Variants in ZNF665 observed in about 807,000 individuals in gnomAD.
ZNF665 encodes zinc finger protein 665.
Under a neutral mutation model 7.9 loss-of-function variants are expected in ZNF665, and 6 were observed. The observed-to-expected ratio is 0.76, with a 90% CI of 0.42 to 1.50. The LOEUF is 1.50. Ranked by LOEUF, ZNF665 falls within the 40% of genes most tolerant of loss-of-function variation. The probability of loss-of-function intolerance (pLI) is 0.01; values close to 1 mark genes in which losing one functional copy is unlikely to be tolerated. For synonymous variants in ZNF665, 242 were observed against 274.5 expected (o/e 0.88, Z 1.17); for missense variants, 819 against 806.7 (o/e 1.02, Z -0.18).
intron 2 of ZNF665, among the ~76,000 whole-genome samples, chr19:53,177,424 G>A (rs552838869): frequency 3.3e-5 from 5 of 151,956 alleles, no homozygotes; most frequent in South Asian, 2.1e-4. Context: ...ACAGTGAAAC[G>A]CTGTCTCTAC....
rs1225639679 is a variant in ZNF665, at chr19:53,165,947, A to C, written c.543T>G (p.Asp181Glu). ...TTTGACTGAAGACCTTGCCACATTC[A>C]TCACATTTATAATGTTTTCCTCGAT... ...PNNRGKHYKC[D>E]ECGKVFSQNS... The change falls in exon 4 of 4, where the codon GAT becomes GAG. Residue 181 changes from aspartate (D) to glutamate (E), a missense_variant. Transcript: ENST00000396424. 2 of 1,613,964 alleles carry C rather than the reference A, an allele frequency of 1.2e-6. No homozygotes were observed. Among genetic ancestry groups the C allele is most frequent in the Non-Finnish European group, 1.7e-6 (2 of 1,180,002 alleles).
chr19:53,179,336 A>G (rs1261163526), intron 2 of ZNF665, among the ~76,000 whole-genome samples: 2 of 134,032 alleles, frequency 1.5e-5, no homozygotes, highest in Non-Finnish European at 3.1e-5. Flanking sequence ...AGATCGCACC[A>G]CTGCACTCCA....
intron 3 of ZNF665, among the ~76,000 whole-genome samples, chr19:53,167,726 G>A (rs1348978018): frequency 6.7e-6 from 1 of 149,872 alleles, no homozygotes; most frequent in African/African-American, 2.4e-5. Context: ...GATTACAGGC[G>A]TAAGCCAGGG....
chr19:53,182,778 A>T (rs576424073), intron 2 of ZNF665, 106 bp downstream of exon 2: 66 of 1,569,300 alleles, frequency 4.2e-5, no homozygotes, highest in Non-Finnish European at 5.4e-5. Context: ...AGTGCGAGCA[A>T]ACCTGTCAGG....
chr19:53,183,004 T>C (rs1443271516), intron 1 of ZNF665, 61 bp from the exon 2 acceptor site: 5 of 1,531,966 alleles, frequency 3.3e-6, no homozygotes, highest in Non-Finnish European at 3.6e-6. Flanking sequence ...ACGCTGTTTG[T>C]TGGTTAGAAT....
intron 1 of ZNF665, among the ~76,000 whole-genome samples, chr19:53,183,993 T>C (rs555092615): frequency 6.6e-6 from 1 of 152,300 alleles, no homozygotes; most frequent in East Asian, 1.9e-4. Context: ...CTCTTGCCTG[T>C]AATCTCAGCA....
chr19:53,171,596 T>C, intron 3 of ZNF665, among the ~76,000 whole-genome samples: 1 of 147,182 alleles, frequency 6.8e-6, no homozygotes, highest in Admixed American at 6.9e-5. Context: ...GTGGCGTGAT[T>C]TTGGCTCACT....
chr19:53,167,246 C>G lies in ZNF665; in HGVS notation c.143-899G>C, dbSNP rs1322600193. ...GAACTCCCGACCTCAGGTGATCCCC[C>G]CGCCTCAGCCTCCCAAAGTGCTGGT... On this transcript the variant is annotated intron_variant, in intron 3 of 3. Transcript: ENST00000396424. Among the ~76,000 whole-genome samples the G allele has an allele frequency of 2.0e-5, 3 of 152,192 alleles. No homozygotes were observed. The East Asian group carries it at 5.8e-4, about 29-fold the overall frequency.
chr19:53,181,549 C>A (rs999741159), intron 2 of ZNF665: 1 of 152,084 alleles, frequency 6.6e-6, no homozygotes, highest in African/African-American at 2.4e-5. Flanking sequence ...TAACAGATGA[C>A]ATACTCACAA....
intron 3 of ZNF665, 118 bp downstream of exon 3, chr19:53,175,327 T>C: frequency 3.1e-6 from 4 of 1,274,862 alleles, no homozygotes; most frequent in Non-Finnish European, 4.3e-6. Flanking sequence ...TTTTCATTTA[T>C]GAGTCAACAG....
Position 53,166,000 on chromosome 19 carries a change from A to G in ZNF665, c.490T>C (p.Tyr164His), listed in dbSNP as rs1407899376. 1 of 1,613,880 alleles carries G rather than the reference A, an allele frequency of 6.2e-7. No individual in the cohort carries two copies. The highest frequency in any genetic ancestry group is 8.5e-7 in the Non-Finnish European group (1 of 1,179,812). ...TTAGGAGACTTCTCAACTTGATTGT[A>G]TTCATAAATTTTCCCTTCATGTTGA... is the stretch of plus-strand genomic sequence containing the variant. Reference protein sequence around the residue: ...QFQHEGKIYEYNQVEKSPNNR... With the variant: ...QFQHEGKIYEHNQVEKSPNNR... The change falls in exon 4 of 4, where the codon TAC becomes CAC. Residue 164 changes from tyrosine (Y) to histidine (H), a missense_variant. Transcript: ENST00000396424.
intron 1 of ZNF665, 60 bp downstream of exon 1, chr19:53,193,252 G>A (rs558698101): frequency 6.6e-6 from 1 of 152,318 alleles, no homozygotes; most frequent in Non-Finnish European, 1.5e-5. Context: ...CCCGGACATC[G>A]GGTACGGAGG....
chr19:53,191,612 G>A (rs11671155), intron 1 of ZNF665: 50,189 of 152,088 alleles, frequency 0.33, 9,275 homozygotes, highest in Middle Eastern at 0.52. Flanking sequence ...GGGACGCTGA[G>A]GTGGGTAGAT....
rs370057824 is a variant in ZNF665, at chr19:53,165,085, G to T, written c.1405C>A (p.Gln469Lys). 9.3e-6 allele frequency: 15 copies of T among 1,614,034 alleles called. No homozygotes were observed. In the East Asian group the frequency reaches 3.3e-4, roughly 36 times the overall value. ...CGATGACTTGCAAGGTGTGAATTTT[G>T]TGTGAAGACCTTACCGCAGTCATTA... ...KCNDCGKVFT[Q>K]NSHLASHRGI... Residue 469 changes from glutamine to lysine, a missense_variant, in exon 4 of 4, where the codon CAA becomes AAA. By Grantham distance (53) the Gln-to-Lys change is moderately conservative. Transcript: ENST00000396424.
At chr19:53,174,194 G>T (rs1354359942) in intron 3 of ZNF665, among the ~76,000 whole-genome samples, 1 of 152,122 alleles carries the variant, frequency 6.6e-6, no homozygotes, top group Non-Finnish European at 1.5e-5. Flanking sequence ...AAGGATTTTT[G>T]ATTGAATCAA....
intron 2 of ZNF665, among the ~76,000 whole-genome samples, chr19:53,177,714 A>G (rs1019906602): frequency 4.6e-5 from 7 of 152,214 alleles, no homozygotes; most frequent in African/African-American, 1.7e-4. Flanking sequence ...TTGAAGAAAA[A>G]ACAAGTCAGA....
In ZNF665 at chr19:53,175,615, T is replaced by C. The variant is rs181136298; in HGVS notation, c.16-44A>G. On this transcript the variant is annotated intron_variant, in intron 2 of 3. Coordinates refer to ENST00000396424, the MANE Select transcript of ZNF665 (RefSeq NM_024733.5). ...TTCACCAAGTGACTATGAGGAAAATTTGAATCTTCACATAAAACAAGAAGA... is the reference window on the plus strand; with the variant it reads ...TTCACCAAGTGACTATGAGGAAAATCTGAATCTTCACATAAAACAAGAAGA... 128 of 1,564,184 alleles carry C rather than the reference T, an allele frequency of 8.2e-5. No homozygotes were observed. In the African/African-American group the frequency reaches 1.5e-3, roughly 19 times the overall value.
At chr19:53,176,432 C>T (rs1228888462) in intron 2 of ZNF665, among the ~76,000 whole-genome samples, 2 of 152,186 alleles carry the variant, frequency 1.3e-5, no homozygotes, top group Admixed American at 1.3e-4. Context: ...TTCTCCCTAT[C>T]TCACCCAATA....
intron 2 of ZNF665, among the ~76,000 whole-genome samples, chr19:53,176,607 C>T (rs2090700107): frequency 6.6e-6 from 1 of 152,194 alleles, no homozygotes; most frequent in African/African-American, 2.4e-5. Context: ...ACCCAAGCCA[C>T]AATCTGTGTT....
Sources: gnomAD v4.1 joint callset for allele counts (sites outside exome capture counted in the v4.1 genomes callset) on GRCh38, gnomAD v4.1.1 for gene constraint, MANE v1.5 for transcripts, NCBI Gene and HGNC (gene_info 2026-07-23, HGNC 2026-07-21) for gene names.